ARHGEF11: variants seen among roughly 807,000 people sequenced by gnomAD.
ARHGEF11 encodes the protein Rho guanine nucleotide exchange factor 11.
ARHGEF11 carries 55 observed loss-of-function variants against 193.7 expected under a neutral mutation model. The observed-to-expected ratio is 0.28, with a 90% CI of 0.23 to 0.36. The LOEUF is 0.36. Among genes scored for constraint, ARHGEF11 ranks in the 10% least tolerant of loss-of-function variants. The pLI is 1.00. For synonymous variants in ARHGEF11, 693 were observed against 768.0 expected, an observed-to-expected ratio of 0.90 and a Z score of 1.62; for missense variants, 1,723 against 2,005.6, an observed-to-expected ratio of 0.86 and a Z score of 2.69.
chr1:156,945,232 CT>C, intron 29 of ARHGEF11, 35 bp from the exon 30 acceptor site: 1 of 1,596,984 alleles, frequency 6.3e-7, no homozygotes, highest in Non-Finnish European at 8.5e-7. Flanking sequence ...GTTGGGGCTC[CT>C]GCCTGAGAAG....
chr1:156,980,430 C>A lies in ARHGEF11; in HGVS notation c.273+7G>T. On this transcript the variant is annotated splice_region_variant and intron_variant, in intron 4 of 40. Coordinates refer to ENST00000368194, the MANE Select transcript of ARHGEF11 (RefSeq NM_198236.3). ...TGGGAGTGGGAGTGTGTGTTGGGGT[C>A]ACTCACTTTGATGATCCGGTCGCCC... 6 of 1,603,954 alleles carry A rather than the reference C, an allele frequency of 3.7e-6. No individual in the cohort carries two copies. The highest frequency in any genetic ancestry group is 5.1e-6 in the Non-Finnish European group (6 of 1,174,890).
At chr1:156,952,740 G>A (rs1571216549) in intron 21 of ARHGEF11, among the ~76,000 whole-genome samples, 1 of 152,392 alleles carries the variant, frequency 6.6e-6, no homozygotes, top group East Asian at 1.9e-4. Context: ...CAAGTGGCTA[G>A]GGAATATTTT....
chr1:157,027,745 T>G (rs1359268740), intron 1 of ARHGEF11, among the ~76,000 whole-genome samples: 2 of 152,212 alleles, frequency 1.3e-5, no homozygotes, highest in Non-Finnish European at 2.9e-5. Context: ...CCCCTGATCC[T>G]GGGTTGGCCT....
chr1:156,975,156 G>C lies in ARHGEF11; in HGVS notation c.582+1827C>G, dbSNP rs893968680. Among the ~76,000 whole-genome samples the C allele has an allele frequency of 9.9e-5, 15 of 152,192 alleles. 1 individual carries two copies. The highest frequency in any genetic ancestry group is 3.6e-4 in the African/African-American group (15 of 41,436). ...CAATGGCGGAATAGATTAGCACAGT[G>C]AATATGCAGACAAAACATAAACAAG... On this transcript the variant is annotated intron_variant, in intron 7 of 40. Transcript: ENST00000368194.
intron 1 of ARHGEF11, among the ~76,000 whole-genome samples, chr1:157,026,713 A>C (rs1670685253): frequency 6.6e-6 from 1 of 152,206 alleles, no homozygotes. Context: ...CAGCTTTCTC[A>C]CTATTAAGGA....
intron 1 of ARHGEF11, among the ~76,000 whole-genome samples, chr1:157,016,620 C>T (rs1455662088): frequency 6.6e-6 from 1 of 152,042 alleles, no homozygotes; most frequent in Non-Finnish European, 1.5e-5. Flanking sequence ...TATTTTTAAG[C>T]GTTTTCATCT....
At position 156,945,117 on chromosome 1, in the gene ARHGEF11, T is replaced by G; in HGVS notation, c.2893A>C (p.Lys965Gln). ...AAACGGTGGCGGTTCTCTGTTTGTT[T>G]TACCGCTTCATTCACATACTTGAGA... The part of the protein sequence containing the change: ...EILKYVNEAV[K>Q]QTENRHRLEG... Residue 965 changes from lysine to glutamine, a missense_variant, in exon 30 of 41, where the codon AAA becomes CAA. This residue lies in a region of ARHGEF11 where 491 missense variants were observed against 654.5 expected (regional missense o/e 0.75). Transcript: ENST00000368194. 1 of 1,614,186 alleles carries G rather than the reference T, an allele frequency of 6.2e-7. No homozygotes were observed. The highest frequency in any genetic ancestry group is 8.5e-7 in the Non-Finnish European group (1 of 1,180,018).
intron 2 of ARHGEF11, chr1:156,985,729 CCTT>C (rs1279302229): frequency 7.4e-6 from 1 of 134,436 alleles, no homozygotes; most frequent in African/African-American, 2.8e-5. Context: ...CAGCCATGTG[CCTT>C]TTTTTTTTTT....
chr1:157,007,121 A>C (rs755216073), intron 1 of ARHGEF11, among the ~76,000 whole-genome samples: 14 of 152,318 alleles, frequency 9.2e-5, no homozygotes, highest in Middle Eastern at 3.4e-3. Flanking sequence ...GTACAAGGGA[A>C]TGACAGGATG....
intron 39 of ARHGEF11, 72 bp downstream of exon 39, chr1:156,937,177 T>C (rs753073491): frequency 4.4e-5 from 70 of 1,601,486 alleles, no homozygotes; most frequent in Admixed American, 1.7e-4. Flanking sequence ...AAGACACACA[T>C]CTCACTCATG....
chr1:156,981,476 T>C (rs1664162195), intron 3 of ARHGEF11, among the ~76,000 whole-genome samples: 1 of 152,146 alleles, frequency 6.6e-6, no homozygotes, highest in Non-Finnish European at 1.5e-5. Flanking sequence ...GACCACAATA[T>C]GGTTTGTTTG....
rs753700433 is a variant in ARHGEF11 at position 156,938,530 on chromosome 1, A to G, written c.4097-17T>C. 11 of 1,609,564 alleles carry G rather than the reference A, an allele frequency of 6.8e-6. No homozygotes were observed. The highest frequency in any genetic ancestry group is 9.3e-6 in the Non-Finnish European group (11 of 1,177,186). ...CCACCTCAGCTGCACCGACACCACC[A>G]CCACCAGGAAGAGGAGAGACCAAAA... On this transcript the variant is annotated splice_polypyrimidine_tract_variant and intron_variant, in intron 37 of 40. Coordinates refer to ENST00000368194, the MANE Select transcript of ARHGEF11 (RefSeq NM_198236.3).
In ARHGEF11 at chr1:157,038,874, C is replaced by G. The variant is rs1473908152; in HGVS notation, c.32+5425G>C. ...TGAACCTCATATCTACAAAAATTAG[C>G]CAGGTGTGGTGGCACATGCCTGTAA... is the stretch of plus-strand genomic sequence containing the variant. On this transcript the variant is annotated intron_variant, in intron 1 of 40. Coordinates refer to ENST00000368194, the MANE Select transcript of ARHGEF11 (RefSeq NM_198236.3). Among the ~76,000 whole-genome samples, 3 of 152,044 alleles carry G rather than the reference C, an allele frequency of 2.0e-5. No individual in the cohort carries two copies. The East Asian group carries it at 5.8e-4, about 29-fold the overall frequency.
chr1:156,959,171 T>C (rs1660419759), intron 15 of ARHGEF11, 29 bp from the exon 16 acceptor site: 3 of 1,600,560 alleles, frequency 1.9e-6, no homozygotes, highest in Non-Finnish European at 2.6e-6. Flanking sequence ...GAAAGCAGAG[T>C]GGATGGGGTA....
In ARHGEF11 at chr1:156,963,313, C is replaced by G; in HGVS notation, c.1039-9G>C. Reference sequence around the variant, plus strand: ...TGGAATATGATGTCGCTCTGGAAGGCAGAAGGATGAGCATGGTGGGAAGCC... The same window carrying G: ...TGGAATATGATGTCGCTCTGGAAGGGAGAAGGATGAGCATGGTGGGAAGCC... On this transcript the variant is annotated splice_polypyrimidine_tract_variant and intron_variant, in intron 12 of 40. Transcript: ENST00000368194. 1 of 1,612,290 alleles carries G rather than the reference C, an allele frequency of 6.2e-7. No individual in the cohort carries two copies.
intron 21 of ARHGEF11, among the ~76,000 whole-genome samples, chr1:156,954,482 G>C (rs1450318853): frequency 6.8e-6 from 1 of 146,026 alleles, no homozygotes; most frequent in Non-Finnish European, 1.5e-5. Flanking sequence ...CACTTATACA[G>C]AACTCTGGAT....
At chr1:156,988,491 C>T (rs1405920261) in intron 1 of ARHGEF11, among the ~76,000 whole-genome samples, 4 of 152,168 alleles carry the variant, frequency 2.6e-5, no homozygotes, top group Non-Finnish European at 5.9e-5. Context: ...TGGGACACCT[C>T]GGGCCTTCTT....
chr1:157,029,772 CA>C (rs1671076785), intron 1 of ARHGEF11, among the ~76,000 whole-genome samples: 1 of 152,140 alleles, frequency 6.6e-6, no homozygotes, highest in East Asian at 1.9e-4. Flanking sequence ...AATGGATAAA[CA>C]AAAAGTAGTC....
intron 10 of ARHGEF11, among the ~76,000 whole-genome samples, 175 bp from the exon 11 acceptor site, chr1:156,968,299 T>G (rs1267813122): frequency 6.6e-6 from 1 of 152,252 alleles, no homozygotes; most frequent in African/African-American, 2.4e-5. Flanking sequence ...CTCATTCGAT[T>G]CACACAGTAG....
Sources: gnomAD v4.1 joint callset for allele counts (sites outside exome capture counted in the v4.1 genomes callset) on GRCh38, gnomAD v4.1.1 for gene constraint, gnomAD v4.1.1 regional missense constraint, MANE v1.5 for transcripts, NCBI Gene and HGNC (gene_info 2026-07-23, HGNC 2026-07-21) for gene names.